DUT: variants seen among roughly 807,000 people sequenced by gnomAD.
DUT encodes deoxyuridine 5'-triphosphate nucleotidohydrolase, mitochondrial.
Under a neutral mutation model 28.8 loss-of-function variants are expected in DUT, and 21 were observed. The ratio of observed to expected loss-of-function variants is 0.73; its 90% CI spans 0.52 to 1.05. The LOEUF (loss-of-function observed/expected upper bound fraction) is 1.05. DUT is among the 50% of genes least tolerant of loss of function. The pLI is 0.00. For synonymous variants in DUT, 147 were observed against 143.7 expected (o/e 1.02, Z -0.17); for missense variants, 344 against 351.8 (o/e 0.98, Z 0.18).
At chr15:48,337,830 ATGT>A (rs1298865105) in intron 4 of DUT, among the ~76,000 whole-genome samples, 1 of 152,198 alleles carries the variant, frequency 6.6e-6, no homozygotes, top group East Asian at 1.9e-4. Flanking sequence ...CTGAAGAGAG[ATGT>A]TGTTAGAAAT....
At chr15:48,339,062 G>A (rs188260083) in intron 4 of DUT, among the ~76,000 whole-genome samples, 2 of 152,124 alleles carry the variant, frequency 1.3e-5, no homozygotes, top group Non-Finnish European at 2.9e-5. Context: ...GCTATAGTGA[G>A]TTGTGATCAT....
At chr15:48,331,192 G>T, upstream of DUT, 1 of 1,520,812 alleles carries the variant, frequency 6.6e-7, no homozygotes, top group Non-Finnish European at 8.8e-7. Flanking sequence ...GCCGCCCCAG[G>T]TAAATCAGTC....
intron 3 of DUT, 134 bp downstream of exon 3, chr15:48,334,642 A>G (rs966052305): frequency 5.2e-5 from 29 of 562,410 alleles, no homozygotes; most frequent in Non-Finnish European, 7.9e-5. Context: ...TGTGATAGCA[A>G]ATGCACTCTT....
At position 48,331,669 on chromosome 15, in the gene DUT, G is replaced by C; in HGVS notation, c.154G>C (p.Gly52Arg). The change falls in exon 1 of 7, where the codon GGG (glycine) becomes CGG (arginine). Residue 52 changes from glycine (G) to arginine (R), a missense_variant. By Grantham distance (125) the Gly-to-Arg change is moderately radical. Coordinates refer to ENST00000331200, the MANE Select transcript of DUT (RefSeq NM_001025248.2). ...GPPLGRAAQH[G>R]IPRPLSSAGR... ...GCCCCTCGGCCGCGCCGCGCAGCAC[G>C]GGATTCCCCGGCCGCTGTCCAGCGC... 3.3e-6 allele frequency: 5 copies of C among 1,534,750 alleles called. No individual in the cohort carries two copies. The highest frequency in any genetic ancestry group is 4.4e-6 in the Non-Finnish European group (5 of 1,140,626).
chr15:48,339,422 C>CA (rs1233837974), intron 4 of DUT, among the ~76,000 whole-genome samples: 1 of 152,066 alleles, frequency 6.6e-6, no homozygotes, highest in Non-Finnish European at 1.5e-5. Context: ...GCTTGTACCT[C>CA]AAAATCTCCC....
intron 4 of DUT, among the ~76,000 whole-genome samples, chr15:48,337,150 A>G (rs1160844666): frequency 1.3e-5 from 2 of 152,028 alleles, no homozygotes; most frequent in Non-Finnish European, 1.5e-5. Context: ...AGGACCCCAA[A>G]AGTACACCCT....
rs2141156810 is a variant in DUT at position 48,332,318 on chromosome 15, G to A, written c.331G>A (p.Gly111Ser). The stretch of plus-strand genomic sequence containing the variant: ...GCGGGCCCGGCCTGCGGAGGTGGGC[G>A]GCATGCAGCTCCGCTTTGCCCGGCT... ...SKRARPAEVG[G>S]MQLRFARLSE... Residue 111 changes from glycine to serine, a missense_variant, in exon 2 of 7, where the codon GGC becomes AGC. Gly to Ser is a moderately conservative substitution (Grantham distance 56). Transcript: ENST00000331200. 1.9e-6 allele frequency: 3 copies of A among 1,608,604 alleles called. No individual in the cohort carries two copies. The highest frequency in any genetic ancestry group is 2.2e-5 in the East Asian group (1 of 44,498).
Position 48,332,291 on chromosome 15 carries a change from A to G in DUT, c.304A>G (p.Lys102Glu). ...AGAGACACCCGCCATTTCACCCAGT[A>G]AGCGGGCCCGGCCTGCGGAGGTGGG... ...GPETPAISPS[K>E]RARPAEVGGM... Residue 102 changes from lysine (K) to glutamate (E), a missense_variant, in exon 2 of 7, where the codon AAG (lysine) becomes GAG (glutamate). Physicochemically the swap from Lys to Glu is moderately conservative, Grantham distance 56. Transcript: ENST00000331200. 6.2e-7 allele frequency: 1 copy of G among 1,609,066 alleles called. No individual in the cohort carries two copies. Among genetic ancestry groups the G allele is most frequent in the Non-Finnish European group, 8.5e-7 (1 of 1,178,490 alleles).
intron 3 of DUT, among the ~76,000 whole-genome samples, chr15:48,335,062 G>C (rs765758240): frequency 2.0e-5 from 3 of 152,216 alleles, no homozygotes; most frequent in Non-Finnish European, 4.4e-5. Context: ...AAAGGAGCTA[G>C]ACTGGCACTA....
Position 48,342,021 on chromosome 15 carries a change from G to A in DUT, c.703-1G>A, listed in dbSNP as rs757962290. On this transcript the variant is annotated splice_acceptor_variant, in intron 6 of 6. Transcript: ENST00000331200. LOFTEE classifies it high-confidence loss of function. ...AAGCTTACTACCTTTCTATCTTTCA[G>A]GCCTTGGATGACACCGAAAGGGGTT... 1 of 1,572,960 alleles carries A rather than the reference G, an allele frequency of 6.4e-7. No individual in the cohort carries two copies. The highest frequency in any genetic ancestry group is 8.6e-7 in the Non-Finnish European group (1 of 1,165,510).
upstream of DUT, chr15:48,331,236 G>A (rs753022587): frequency 3.0e-5 from 44 of 1,483,210 alleles, 1 homozygote; most frequent in South Asian, 4.6e-4. Flanking sequence ...GTACACTCTC[G>A]GAAAAATGGG....
intron 2 of DUT, among the ~76,000 whole-genome samples, chr15:48,333,150 A>G (rs2042436924): frequency 6.6e-6 from 1 of 152,128 alleles, no homozygotes; most frequent in African/African-American, 2.4e-5. Context: ...CTGAGAGGGA[A>G]GGAGATTTTA....
intron 6 of DUT, 111 bp from the exon 7 acceptor site, chr15:48,341,911 A>T: frequency 1.2e-6 from 1 of 811,312 alleles, no homozygotes; most frequent in Non-Finnish European, 2.0e-6. Context: ...TTTTGAAAAG[A>T]TGATATAGCA....
chr15:48,336,440 C>T (rs945807997), intron 4 of DUT, among the ~76,000 whole-genome samples: 1 of 152,112 alleles, frequency 6.6e-6, no homozygotes, highest in East Asian at 1.9e-4. Context: ...GAAAATCTTT[C>T]CCTGAAGTCA....
intron 4 of DUT, 126 bp from the exon 5 acceptor site, chr15:48,341,162 CA>C: frequency 1.6e-6 from 1 of 612,852 alleles, no homozygotes. Flanking sequence ...AGTACCAGGG[CA>C]AGATTCACTT....
intron 2 of DUT, among the ~76,000 whole-genome samples, chr15:48,333,089 C>G (rs1467842081): frequency 6.7e-6 from 1 of 148,830 alleles, no homozygotes; most frequent in Admixed American, 6.7e-5. Flanking sequence ...TTTTTTTCAT[C>G]TGACTACTGT....
intron 4 of DUT, chr15:48,340,231 C>T (rs985711037): frequency 2.0e-5 from 3 of 152,006 alleles, no homozygotes; most frequent in African/African-American, 4.8e-5. Flanking sequence ...CTTATCCAGC[C>T]TTTCACAAAC....
At position 48,331,525 on chromosome 15, in the gene DUT, C is replaced by T. The variant is rs1218681837; in HGVS notation, c.10C>T (p.Leu4Phe). 1 of 1,611,858 alleles carries T rather than the reference C, an allele frequency of 6.2e-7. No homozygotes were observed. Among genetic ancestry groups the T allele is most frequent in the East Asian group, 2.2e-5 (1 of 44,806 alleles). The change falls in exon 1 of 7, where the codon CTC (leucine) becomes TTC (phenylalanine). Residue 4 changes from leucine to phenylalanine, a missense_variant. Transcript: ENST00000331200. MTP[L>F]CPRPALCYHF... Reference sequence around the variant, plus strand: ...CCAAACTCTGGGGGAAATGACTCCCCTCTGCCCTCGCCCCGCGCTCTGCTA... The same window carrying T: ...CCAAACTCTGGGGGAAATGACTCCCTTCTGCCCTCGCCCCGCGCTCTGCTA...
At chr15:48,335,859 T>G (rs534406820) in intron 3 of DUT, among the ~76,000 whole-genome samples, 187 bp from the exon 4 acceptor site, 33 of 152,374 alleles carry the variant, frequency 2.2e-4, no homozygotes, top group African/African-American at 7.9e-4. Flanking sequence ...TTTTCTAAAC[T>G]AGTCTTTCCA....
Sources: allele counts gnomAD v4.1 joint callset (sites outside exome capture counted in the v4.1 genomes callset), GRCh38; gene constraint gnomAD v4.1.1; transcripts MANE v1.5; gene names NCBI Gene and HGNC (gene_info 2026-07-23, HGNC 2026-07-21).